The following RECK variants were observed in gnomAD, a reference collection of about 807,000 sequenced individuals.
The protein encoded by RECK is reversion-inducing cysteine-rich protein with Kazal motifs.
In RECK, 69 loss-of-function variants were observed where a neutral mutation model predicts 115.1. The ratio of observed to expected loss-of-function variants is 0.60; its 90% confidence interval spans 0.49 to 0.73. The LOEUF (loss-of-function observed/expected upper bound fraction) is 0.73. Among genes scored for constraint, RECK ranks in the 30% least tolerant of loss-of-function variants. The pLI is 0.00. For missense variants in RECK, 1,047 were observed against 1,203.7 expected (o/e 0.87, Z 1.93); for synonymous variants, 414 against 419.7 (o/e 0.99, Z 0.17).
chr9:36,091,179 A>G lies in RECK; in HGVS notation c.921A>G (p.Lys307=). The G allele has an allele frequency of 6.2e-7, 1 of 1,614,038 alleles. No homozygotes were observed. Among genetic ancestry groups the G allele is most frequent in the Non-Finnish European group, 8.5e-7 (1 of 1,179,948 alleles). ...CTTGTTTCAGGGAACTCTGCACTAA[A>G]CTTTACAGCATGAGCTGGGGCAATA... ...NTSTCRELCT[K]LYSMSWGNTQ... Residue 307 remains lysine (K), a synonymous_variant, in exon 10 of 21, where the codon AAA becomes AAG. Coordinates refer to ENST00000377966, the MANE Select transcript of RECK (RefSeq NM_021111.3).
At chr9:36,050,689 T>G (rs548453675) in intron 1 of RECK, among the ~76,000 whole-genome samples, 1 of 152,292 alleles carries the variant, frequency 6.6e-6, no homozygotes, top group South Asian at 2.1e-4. Context: ...GAGACCTGTA[T>G]GATCTGGTCC....
intron 9 of RECK, among the ~76,000 whole-genome samples, chr9:36,089,773 C>G (rs1013256908): frequency 6.6e-6 from 1 of 152,040 alleles, no homozygotes; most frequent in Non-Finnish European, 1.5e-5. Flanking sequence ...TACAAGTATT[C>G]TAAAATCCAA....
rs926921647 is a variant in RECK, at chr9:36,044,125, C to A, written c.100+7027C>A. Among the ~76,000 whole-genome samples, 4 of 152,108 alleles carry A rather than the reference C, an allele frequency of 2.6e-5. No homozygotes were observed. The East Asian group carries it at 7.7e-4, about 29-fold the overall frequency. On this transcript the variant is annotated intron_variant, in intron 1 of 20. Transcript: ENST00000377966. ...GCATGGGATATGTTTCCATTTGTTTCTGTTGTCTGTAATTTCCTTCAGCAG... is the reference window on the plus strand; with the variant it reads ...GCATGGGATATGTTTCCATTTGTTTATGTTGTCTGTAATTTCCTTCAGCAG...
At chr9:36,078,491 T>C (rs1340772382) in intron 6 of RECK, among the ~76,000 whole-genome samples, 1 of 152,184 alleles carries the variant, frequency 6.6e-6, no homozygotes, top group African/African-American at 2.4e-5. Flanking sequence ...TCCTGTGCAG[T>C]GTAGGATGCT....
intron 14 of RECK, among the ~76,000 whole-genome samples, chr9:36,109,411 G>A (rs1823945754): frequency 6.6e-6 from 1 of 152,236 alleles, no homozygotes; most frequent in Non-Finnish European, 1.5e-5. Flanking sequence ...AGAAGGGGCA[G>A]CCAGAAACAT....
At chr9:36,107,022 C>T (rs1168043761) in intron 13 of RECK, among the ~76,000 whole-genome samples, 9 of 145,298 alleles carry the variant, frequency 6.2e-5, no homozygotes, top group Non-Finnish European at 1.3e-4. Flanking sequence ...AGGAGAATGG[C>T]GTGAACCTGG....
intron 6 of RECK, among the ~76,000 whole-genome samples, chr9:36,071,567 C>G (rs914655963): frequency 6.6e-6 from 1 of 152,122 alleles, no homozygotes; most frequent in African/African-American, 2.4e-5. Context: ...TTCACAGATT[C>G]TTCTCTAAGC....
intron 6 of RECK, among the ~76,000 whole-genome samples, chr9:36,073,231 GAC>G (rs1296993241): frequency 4.9e-4 from 47 of 94,994 alleles, no homozygotes; most frequent in African/African-American, 1.4e-3. Context: ...GACACACACA[GAC>G]ACACACAGAC....
At chr9:36,076,309 G>T (rs1386655949) in intron 6 of RECK, among the ~76,000 whole-genome samples, 2 of 152,130 alleles carry the variant, frequency 1.3e-5, no homozygotes, top group African/African-American at 4.8e-5. Context: ...AATAGAAAAG[G>T]GTCACTGAAG....
chr9:36,111,846 G>T (rs928654377), intron 15 of RECK, among the ~76,000 whole-genome samples: 1 of 151,900 alleles, frequency 6.6e-6, no homozygotes, highest in Admixed American at 6.6e-5. Flanking sequence ...TCTCTACCTG[G>T]GATCAAAGTC....
At chr9:36,073,241 G>GAC (rs778489595) in intron 6 of RECK, among the ~76,000 whole-genome samples, 4,113 of 67,478 alleles carry the variant, frequency 0.061, 65 homozygotes, top group Non-Finnish European at 0.081. Flanking sequence ...GACACACACA[G>GAC]ACACACACAC....
intron 6 of RECK, among the ~76,000 whole-genome samples, chr9:36,080,094 T>C (rs1006606930): frequency 1.7e-4 from 26 of 152,310 alleles, no homozygotes; most frequent in Admixed American, 1.2e-3. Flanking sequence ...AAAATTTAGA[T>C]TTCTGTGCCT....
At chr9:36,073,997 G>T (rs910183196) in intron 6 of RECK, among the ~76,000 whole-genome samples, 3 of 152,008 alleles carry the variant, frequency 2.0e-5, no homozygotes, top group African/African-American at 7.3e-5. Flanking sequence ...GTGAACATCA[G>T]CAAATACTGC....
intron 10 of RECK, among the ~76,000 whole-genome samples, chr9:36,095,916 C>CAA (rs35485234): frequency 1.7e-3 from 248 of 146,864 alleles, no homozygotes; most frequent in Non-Finnish European, 1.6e-3. Context: ...ACTAAAAATA[C>CAA]AAAAAAAAAA....
chr9:36,122,677 G>T, intron 20 of RECK, 147 bp from the exon 21 acceptor site: 1 of 620,406 alleles, frequency 1.6e-6, no homozygotes. Context: ...ATAATAAAAT[G>T]TTACTTTGGA....
chr9:36,037,841 G>A (rs904629548), intron 1 of RECK, among the ~76,000 whole-genome samples: 1 of 151,912 alleles, frequency 6.6e-6, no homozygotes, highest in Non-Finnish European at 1.5e-5. Flanking sequence ...GGAAATGAAG[G>A]GCCATGTATG....
chr9:36,083,216 A>T lies in RECK; in HGVS notation c.440-149A>T, dbSNP rs1822799170. 20 of 748,600 alleles carry T rather than the reference A, an allele frequency of 2.7e-5. No homozygotes were observed. In the South Asian group the frequency reaches 3.7e-4, roughly 14 times the overall value. The allele number at this position is 748,600 out of a possible 1,614,324, so 46.4% of individuals were successfully genotyped here. A position where few individuals can be genotyped will look rare whatever the true frequency, so the allele number is the denominator to read the frequency against. On this transcript the variant is annotated intron_variant, in intron 7 of 20. Coordinates refer to ENST00000377966, the MANE Select transcript of RECK (RefSeq NM_021111.3). ...CTTGAATGTCCCCGTGAGTATACCT[A>T]CAGAAGTGCCGATTTTAAGTGTTCA... is the stretch of plus-strand genomic sequence containing the variant.
intron 8 of RECK, chr9:36,085,198 C>A (rs1312264640): frequency 4.4e-6 from 1 of 227,578 alleles, no homozygotes. Context: ...TGCCAATGAG[C>A]AATTATTACT....
At chr9:36,121,855 G>A (rs1010473448) in intron 20 of RECK, among the ~76,000 whole-genome samples, 167 bp downstream of exon 20, 3 of 152,202 alleles carry the variant, frequency 2.0e-5, no homozygotes, top group Admixed American at 2.0e-4. Context: ...ATCTCTAAAG[G>A]ACTGAGCACT....
Sources: gnomAD v4.1 joint callset for allele counts (sites outside exome capture counted in the v4.1 genomes callset) on GRCh38, gnomAD v4.1.1 for gene constraint, MANE v1.5 for transcripts, NCBI Gene and HGNC (gene_info 2026-07-23, HGNC 2026-07-21) for gene names.